The following CERS5 variants were observed in gnomAD, a reference collection of about 807,000 sequenced individuals.
The protein encoded by CERS5 is LAG1 homolog, ceramide synthase 5.
In CERS5, 37 loss-of-function variants were observed where a neutral mutation model predicts 58.9. The observed-to-expected ratio is 0.63, with a 90% CI of 0.48 to 0.83. The LOEUF is 0.83. Among genes scored for constraint, CERS5 ranks in the 40% least tolerant of loss-of-function variants. The probability of loss-of-function intolerance (pLI) is 0.00; values close to 1 mark genes in which losing one functional copy is unlikely to be tolerated. For missense variants in CERS5, 398 were observed against 489.3 expected, an observed-to-expected ratio of 0.81 and a Z score of 1.76; for synonymous variants, 147 against 177.8, an observed-to-expected ratio of 0.83 and a Z score of 1.38.
intron 1 of CERS5, among the ~76,000 whole-genome samples, chr12:50,151,225 G>A (rs554992525): frequency 6.6e-6 from 1 of 152,220 alleles, no homozygotes; most frequent in African/African-American, 2.4e-5. Flanking sequence ...CACTGAAGCT[G>A]TTCTTGCCAA....
rs186820107 is a variant in CERS5, at chr12:50,159,140, T to G, written c.197+7961A>C. ...ATAGAGACCATCCTGGCTAACACGG[T>G]GAAACCCCATCTCTATTAAAAATAC... On this transcript the variant is annotated intron_variant, in intron 1 of 9. Transcript: ENST00000317551. Among the ~76,000 whole-genome samples the G allele has an allele frequency of 3.1e-4, 47 of 152,102 alleles. No homozygotes were observed. In the East Asian group the frequency reaches 7.7e-3, roughly 25 times the overall value.
At chr12:50,155,414 G>C (rs1040396303) in intron 1 of CERS5, among the ~76,000 whole-genome samples, 1 of 151,632 alleles carries the variant, frequency 6.6e-6, no homozygotes, top group Non-Finnish European at 1.5e-5. Context: ...GTGCTCAAGT[G>C]ATCTTTGCAG....
rs1468503236 is a variant in CERS5, at chr12:50,158,220, C to T, written c.197+8881G>A. Among the ~76,000 whole-genome samples, 4 of 152,152 alleles carry T rather than the reference C, an allele frequency of 2.6e-5. No homozygotes were observed. The South Asian group carries it at 8.3e-4, about 31-fold the overall frequency. ...AGGCCAAAGTGGTAGGATAAACCCA[C>T]TTGTTCCTTTCATTAAACATATTTA... On this transcript the variant is annotated intron_variant, in intron 1 of 9. Coordinates refer to ENST00000317551, the MANE Select transcript of CERS5 (RefSeq NM_147190.5).
At chr12:50,144,384 C>G in intron 1 of CERS5, 1 of 285,608 alleles carries the variant, frequency 3.5e-6, no homozygotes, top group South Asian at 6.7e-5. Flanking sequence ...AACAAGATCC[C>G]CAGGTGATTC....
chr12:50,133,151 A>G (rs1276866988), intron 9 of CERS5: 11 of 1,239,326 alleles, frequency 8.9e-6, no homozygotes, highest in South Asian at 1.4e-5. Flanking sequence ...TTCTGAGCCA[A>G]TGGCAGCTAT....
At chr12:50,142,270 A>C (rs554644761) in intron 3 of CERS5, among the ~76,000 whole-genome samples, 160 bp from the exon 4 acceptor site, 188 of 152,154 alleles carry the variant, frequency 1.2e-3, no homozygotes, top group Middle Eastern at 0.01. Context: ...AGCCAAAGAC[A>C]GGGGCCAGGA....
chr12:50,148,214 G>A lies in CERS5; in HGVS notation c.198-4157C>T, dbSNP rs184645165. 6.5e-3 allele frequency among the ~76,000 whole-genome samples: 981 copies of A among 152,032 alleles called. 7 individuals carry two copies. Among genetic ancestry groups the A allele is most frequent in the Non-Finnish European group, 9.9e-3 (672 of 67,986 alleles). ...GCAACTTGGGAGGTTGAGGTGGGAG[G>A]ATCACTTGAGCCTGGGAGGTCGAGG... On this transcript the variant is annotated intron_variant, in intron 1 of 9. Transcript: ENST00000317551.
intron 4 of CERS5, 110 bp from the exon 5 acceptor site, chr12:50,138,727 GC>G: frequency 1.1e-6 from 1 of 927,262 alleles, no homozygotes; most frequent in Non-Finnish European, 1.8e-6. Flanking sequence ...GGACAGAAAA[GC>G]CCCCAAACAG....
intron 9 of CERS5, chr12:50,133,038 G>A (rs773020170): frequency 7.8e-7 from 1 of 1,289,152 alleles, no homozygotes; most frequent in African/African-American, 1.5e-5. Flanking sequence ...GGAGAGTACA[G>A]GGTCTAATCC....
At chr12:50,156,058 C>G (rs1938564682) in intron 1 of CERS5, among the ~76,000 whole-genome samples, 1 of 141,806 alleles carries the variant, frequency 7.1e-6, no homozygotes, top group East Asian at 2.1e-4. Flanking sequence ...TGAGATCGCG[C>G]CACTGCACTC....
At chr12:50,132,245 C>CA (rs1434210931) in intron 9 of CERS5, among the ~76,000 whole-genome samples, 2 of 151,334 alleles carry the variant, frequency 1.3e-5, no homozygotes, top group Non-Finnish European at 1.5e-5. Flanking sequence ...ACTAAAAATA[C>CA]AAAAAAATTA....
intron 1 of CERS5, among the ~76,000 whole-genome samples, chr12:50,148,955 T>TGC (rs1952503532): frequency 1.5e-5 from 2 of 137,196 alleles, no homozygotes; most frequent in African/African-American, 5.6e-5. Flanking sequence ...TATGTGTGTG[T>TGC]GTGTGTGTGT....
Position 50,143,056 on chromosome 12 carries a change from C to T in CERS5, c.434+18G>A. On this transcript the variant is annotated intron_variant, in intron 3 of 9. Transcript: ENST00000317551. Reference sequence around the variant, plus strand: ...CCACCGTCTTCCTTATTCCCTCCCTCCCTCCTTGCGTACTTACATGCTTTC... The same window carrying T: ...CCACCGTCTTCCTTATTCCCTCCCTTCCTCCTTGCGTACTTACATGCTTTC... 1 of 1,588,096 alleles carries T rather than the reference C, an allele frequency of 6.3e-7. No individual in the cohort carries two copies. The highest frequency in any genetic ancestry group is 8.6e-7 in the Non-Finnish European group (1 of 1,164,208).
intron 1 of CERS5, among the ~76,000 whole-genome samples, chr12:50,150,083 G>A (rs1054277380): frequency 1.3e-5 from 2 of 152,172 alleles, no homozygotes; most frequent in Non-Finnish European, 2.9e-5. Flanking sequence ...TTTCCAGATT[G>A]AGAAGTACCA....
At chr12:50,164,749 T>A (rs1939680235) in intron 1 of CERS5, among the ~76,000 whole-genome samples, 1 of 152,142 alleles carries the variant, frequency 6.6e-6, no homozygotes, top group Non-Finnish European at 1.5e-5. Flanking sequence ...TTCCAGCAGC[T>A]CTGCCAGGGG....
At chr12:50,155,292 T>C (rs1043491228) in intron 1 of CERS5, among the ~76,000 whole-genome samples, 8 of 152,112 alleles carry the variant, frequency 5.3e-5, no homozygotes, top group Non-Finnish European at 1.2e-4. Context: ...GAACAAAAAG[T>C]TACAATGTAT....
Position 50,136,022 on chromosome 12 carries a change from G to C in CERS5, c.684C>G (p.Ile228Met), listed in dbSNP as rs202076776. The C allele has an allele frequency of 1.0e-4, 153 of 1,517,310 alleles. No homozygotes were observed. Among genetic ancestry groups the C allele is most frequent in the Non-Finnish European group, 1.2e-4 (138 of 1,136,026 alleles). 94.0% of individuals were successfully genotyped at this position (1,517,310 alleles called of 1,614,324 possible). ...CCATATTGTTGATGTAGGAGAAGGA[G>C]ATAAGCCCAATGGTGACCAAGTGAT... ...FVHHLVTIGLISFSYINNMVR... is the reference protein window; with the variant it reads ...FVHHLVTIGLMSFSYINNMVR... Residue 228 changes from isoleucine to methionine, a missense_variant, in exon 7 of 10, where the codon ATC (isoleucine) becomes ATG (methionine). By Grantham distance (10) the Ile-to-Met change is conservative. This residue lies in a region of CERS5 where 328 missense variants were observed against 384.5 expected (regional missense o/e 0.85). Coordinates refer to ENST00000317551, the MANE Select transcript of CERS5 (RefSeq NM_147190.5).
chr12:50,131,376 T>G (rs1951307281), intron 9 of CERS5, among the ~76,000 whole-genome samples: 1 of 151,908 alleles, frequency 6.6e-6, no homozygotes, highest in Non-Finnish European at 1.5e-5. Flanking sequence ...CTGAGCAACA[T>G]GGAGAAACCC....
At chr12:50,134,166 AG>A in intron 9 of CERS5, 1 of 274,986 alleles carries the variant, frequency 3.6e-6, no homozygotes, top group Non-Finnish European at 7.1e-6. Flanking sequence ...GGACTGCTTG[AG>A]GCCAGTAGTT....
Sources: allele counts gnomAD v4.1 joint callset (sites outside exome capture counted in the v4.1 genomes callset), GRCh38; gene constraint gnomAD v4.1.1; regional missense constraint gnomAD v4.1.1; transcripts MANE v1.5; gene names NCBI Gene and HGNC (gene_info 2026-07-23, HGNC 2026-07-21).